Variants in PRKG1 observed in about 807,000 individuals in gnomAD.
The protein encoded by PRKG1 is protein kinase cGMP-dependent 1.
Under a neutral mutation model 88.1 loss-of-function variants are expected in PRKG1, and 35 were observed. The observed-to-expected ratio is 0.40, with a 90% CI of 0.30 to 0.53. The LOEUF (loss-of-function observed/expected upper bound fraction) is 0.53, where lower values mean the gene tolerates loss of function less well. PRKG1 is among the 20% of genes least tolerant of loss of function. The pLI is 0.59. For missense variants in PRKG1, 540 were observed against 839.8 expected (o/e 0.64, Z 4.41); for synonymous variants, 303 against 292.5 (o/e 1.04, Z -0.37).
chr10:52,028,699 C>T (rs763927711), intron 5 of PRKG1, among the ~76,000 whole-genome samples: 15 of 152,124 alleles, frequency 9.9e-5, no homozygotes, highest in Non-Finnish European at 2.1e-4. Context: ...ATTTTAAGAA[C>T]CTACTTGGAA....
chr10:51,756,331 T>C (rs913796602), intron 3 of PRKG1, among the ~76,000 whole-genome samples: 4 of 151,410 alleles, frequency 2.6e-5, no homozygotes, highest in Middle Eastern at 3.2e-3. Context: ...TACAAAAAAT[T>C]AAAAAGTTAT....
intron 3 of PRKG1, among the ~76,000 whole-genome samples, chr10:51,787,395 A>G (rs1589286460): frequency 6.6e-6 from 1 of 152,116 alleles, no homozygotes; most frequent in African/African-American, 2.4e-5. Flanking sequence ...GACCAGATTC[A>G]ATCTAGTCTA....
intron 3 of PRKG1, among the ~76,000 whole-genome samples, chr10:51,618,935 A>ATT (rs3086927): frequency 0.052 from 6,371 of 123,498 alleles, 224 homozygotes; most frequent in Middle Eastern, 0.12. Context: ...CACCCAGCTA[A>ATT]TTTTTTTTTT....
rs368147042 is a variant in PRKG1, at chr10:51,196,421, A to G, written c.478+43091A>G. Among the ~76,000 whole-genome samples, 27 of 152,308 alleles carry G rather than the reference A, an allele frequency of 1.8e-4. No homozygotes were observed. In the South Asian group the frequency reaches 4.8e-3, roughly 27 times the overall value. ...ACCACCATGTTAGGCAAAATTGTAC[A>G]AAAATAATCACAGTGCTTATAGGAA... On this transcript the variant is annotated intron_variant, in intron 2 of 17. Coordinates refer to ENST00000373980, the MANE Select transcript of PRKG1 (RefSeq NM_006258.4).
At chr10:51,156,287 T>C (rs1846209111) in intron 2 of PRKG1, among the ~76,000 whole-genome samples, 1 of 59,516 alleles carries the variant, frequency 1.7e-5, no homozygotes, top group African/African-American at 7.1e-5. Context: ...AACGAAGTTA[T>C]TTGATGCAAG....
At chr10:52,025,917 ATAC>A (rs2133200792) in intron 5 of PRKG1, among the ~76,000 whole-genome samples, 1 of 151,992 alleles carries the variant, frequency 6.6e-6, no homozygotes, top group East Asian at 2.0e-4. Flanking sequence ...ACTTCAAACT[ATAC>A]TACAAGGCTA....
At chr10:51,727,690 T>C (rs1024527765) in intron 3 of PRKG1, among the ~76,000 whole-genome samples, 5 of 152,188 alleles carry the variant, frequency 3.3e-5, no homozygotes, top group Non-Finnish European at 7.3e-5. Context: ...AGTAGTTCAA[T>C]AGGCTGGTAG....
intron 2 of PRKG1, among the ~76,000 whole-genome samples, chr10:51,212,954 G>C (rs865881204): frequency 3.2e-4 from 49 of 152,148 alleles, no homozygotes; most frequent in South Asian, 1.0e-3. Context: ...ACCCAGCCAT[G>C]CCATTACTGG....
intron 3 of PRKG1, among the ~76,000 whole-genome samples, chr10:51,582,193 G>A (rs10740303): frequency 6.6e-6 from 1 of 151,986 alleles, no homozygotes; most frequent in African/African-American, 2.4e-5. Context: ...AAAAACAATT[G>A]AATGACTAAT....
chr10:51,894,938 T>C (rs1841806122), intron 4 of PRKG1, among the ~76,000 whole-genome samples: 1 of 152,212 alleles, frequency 6.6e-6, no homozygotes, highest in Non-Finnish European at 1.5e-5. Flanking sequence ...AGTGAGTTAG[T>C]GTTGCCTATC....
chr10:51,487,507 G>A (rs1840582660), intron 3 of PRKG1, among the ~76,000 whole-genome samples: 1 of 152,142 alleles, frequency 6.6e-6, no homozygotes, highest in South Asian at 2.1e-4. Context: ...GGTAGTTGAG[G>A]TGGATGTGGC....
At chr10:51,965,335 T>G (rs1843542153) in intron 5 of PRKG1, among the ~76,000 whole-genome samples, 1 of 152,192 alleles carries the variant, frequency 6.6e-6, no homozygotes, top group Non-Finnish European at 1.5e-5. Flanking sequence ...ACATGCAGTA[T>G]TGGTTTTCTG....
At chr10:51,730,265 C>G (rs962538431) in intron 3 of PRKG1, among the ~76,000 whole-genome samples, 1 of 152,178 alleles carries the variant, frequency 6.6e-6, no homozygotes, top group Non-Finnish European at 1.5e-5. Context: ...GTTTGGTAGC[C>G]TCAAGCCTTT....
intron 3 of PRKG1, among the ~76,000 whole-genome samples, chr10:51,608,033 C>T (rs927503430): frequency 6.6e-6 from 1 of 152,094 alleles, no homozygotes; most frequent in Non-Finnish European, 1.5e-5. Context: ...CATATTTTCC[C>T]TTTGAATTTT....
chr10:51,331,943 A>G (rs1194654025), intron 2 of PRKG1, among the ~76,000 whole-genome samples: 2 of 152,202 alleles, frequency 1.3e-5, no homozygotes, highest in South Asian at 2.1e-4. Flanking sequence ...AATTGTGATT[A>G]TAATCACCCA....
At chr10:52,128,378 G>C (rs1837160072) in intron 7 of PRKG1, 4 of 985,368 alleles carry the variant, frequency 4.1e-6, no homozygotes, top group Non-Finnish European at 4.8e-6. Context: ...AGGTATCAAT[G>C]AACGCTAGAG....
chr10:51,631,707 T>C (rs894071632), intron 3 of PRKG1, among the ~76,000 whole-genome samples: 16 of 152,224 alleles, frequency 1.1e-4, no homozygotes, highest in Non-Finnish European at 2.9e-5. Context: ...CCCTTGAGTG[T>C]GCAGTTCACA....
intron 3 of PRKG1, among the ~76,000 whole-genome samples, chr10:51,565,134 AC>A (rs992601650): frequency 3.1e-4 from 47 of 152,214 alleles, no homozygotes; most frequent in African/African-American, 1.1e-3. Context: ...CAAAATAGAT[AC>A]CAAATTCTTT....
intron 5 of PRKG1, among the ~76,000 whole-genome samples, chr10:51,993,003 G>A (rs76944723): frequency 3.3e-5 from 5 of 152,006 alleles, no homozygotes; most frequent in Admixed American, 6.6e-5. Flanking sequence ...TCTTACTCAC[G>A]GAAGGAGAGA....
Sources: gnomAD v4.1 joint callset for allele counts (sites outside exome capture counted in the v4.1 genomes callset) on GRCh38, gnomAD v4.1.1 for gene constraint, MANE v1.5 for transcripts, NCBI Gene and HGNC (gene_info 2026-07-23, HGNC 2026-07-21) for gene names.